The following STRBP variants were observed in gnomAD, a reference collection of about 807,000 sequenced individuals.
STRBP encodes spermatid perinuclear RNA binding protein, also known as spermatid perinuclear RNA-binding protein.
In STRBP, 13 loss-of-function variants were observed where a neutral mutation model predicts 80.1. That is an observed-to-expected ratio of 0.16 (90% confidence interval 0.11 to 0.26). The LOEUF (loss-of-function observed/expected upper bound fraction) is 0.26, where lower values mean the gene tolerates loss of function less well. Among genes scored for constraint, STRBP ranks in the 10% least tolerant of loss-of-function variants. STRBP has a pLI of 1.00. For synonymous variants in STRBP, 284 were observed against 291.2 expected, an observed-to-expected ratio of 0.98 and a Z score of 0.25; for missense variants, 485 against 815.2, an observed-to-expected ratio of 0.59 and a Z score of 4.93.
intron 3 of STRBP, chr9:123,111,390 C>A (rs1030614217): frequency 4.3e-5 from 13 of 301,690 alleles, no homozygotes; most frequent in African/African-American, 2.1e-4. Context: ...AAAACTCCTA[C>A]TCCTTGATCC....
downstream of STRBP, among the ~76,000 whole-genome samples, chr9:123,120,529 C>G (rs2035717460): frequency 6.7e-6 from 1 of 148,998 alleles, no homozygotes; most frequent in Admixed American, 6.7e-5. Context: ...CAGGGGGGAT[C>G]TCCTTAGTTC....
intron 1 of STRBP, among the ~76,000 whole-genome samples, chr9:123,257,977 A>T (rs966722528): frequency 1.3e-5 from 2 of 152,090 alleles, no homozygotes; most frequent in African/African-American, 4.8e-5. Context: ...TAAGGACTCA[A>T]GATGAATAAA....
chr9:123,200,481 T>C (rs2039275176), intron 2 of STRBP, among the ~76,000 whole-genome samples: 2 of 152,190 alleles, frequency 1.3e-5, no homozygotes, highest in South Asian at 4.2e-4. Context: ...ATAGTTTCAG[T>C]AGGATTGGTA....
At chr9:123,235,542 A>G (rs965400309) in intron 2 of STRBP, among the ~76,000 whole-genome samples, 1 of 146,950 alleles carries the variant, frequency 6.8e-6, no homozygotes, top group Non-Finnish European at 1.5e-5. Flanking sequence ...CCCAAAGACA[A>G]CTGAAAATCT....
intron 2 of STRBP, among the ~76,000 whole-genome samples, chr9:123,212,896 A>C (rs957986998): frequency 6.6e-6 from 1 of 152,354 alleles, no homozygotes; most frequent in African/African-American, 2.4e-5. Flanking sequence ...CATAAATTTT[A>C]AAACTCTCAC....
intron 8 of STRBP, among the ~76,000 whole-genome samples, 158 bp downstream of exon 8, chr9:123,160,209 C>T (rs1021753903): frequency 3.3e-5 from 5 of 152,142 alleles, no homozygotes; most frequent in Non-Finnish European, 4.4e-5. Flanking sequence ...AAGAAGAATT[C>T]GCTTAAAAAG....
At chr9:123,189,452 G>C (rs1467740693) in intron 2 of STRBP, among the ~76,000 whole-genome samples, 1 of 137,206 alleles carries the variant, frequency 7.3e-6, no homozygotes, top group Non-Finnish European at 1.6e-5. Context: ...CCTAAAACTT[G>C]AAGTATAATA....
rs190637354 is a variant in STRBP at position 123,239,330 on chromosome 9, G to A, written c.-301-2364C>T. On this transcript the variant is annotated intron_variant, in intron 1 of 18. Coordinates refer to ENST00000348403, the MANE Select transcript of STRBP (RefSeq NM_018387.5). ...GCAGAGCTTGCAGTGAGCCGAGATC[G>A]CGCCACTGCACTCTGGCCTGGGTGA... is the stretch of plus-strand genomic sequence containing the variant. Among the ~76,000 whole-genome samples the A allele has an allele frequency of 1.2e-4, 19 of 152,164 alleles. No homozygotes were observed. In the East Asian group the frequency reaches 3.3e-3, roughly 26 times the overall value.
rs187717926 is a variant in STRBP, at chr9:123,124,747, A to G, written c.*850T>C. On this transcript the variant is annotated 3_prime_UTR_variant, in exon 19 of 19. Coordinates refer to ENST00000348403, the MANE Select transcript of STRBP (RefSeq NM_018387.5). ...TAATTTATTATTTTTAAAAACTTGG[A>G]AATTCATAAACTAGGATAATCACAT... 4.2e-5 allele frequency: 41 copies of G among 985,450 alleles called. No homozygotes were observed. In the East Asian group the frequency reaches 3.6e-3, roughly 87 times the overall value. The allele number at this position is 985,450 out of a possible 1,614,324, so 61.0% of individuals were successfully genotyped here.
intron 8 of STRBP, 36 bp from the exon 9 acceptor site, chr9:123,159,243 C>A (rs758987009): frequency 2.1e-6 from 3 of 1,447,562 alleles, no homozygotes; most frequent in Non-Finnish European, 2.9e-6. Context: ...GTACATGCAC[C>A]AAGTGTTAAA....
At chr9:123,247,096 A>T (rs1327232656) in intron 1 of STRBP, among the ~76,000 whole-genome samples, 1 of 152,158 alleles carries the variant, frequency 6.6e-6, no homozygotes, top group Non-Finnish European at 1.5e-5. Flanking sequence ...AAAAATACCA[A>T]TCAATGAATT....
At chr9:123,189,988 C>T (rs1306178365) in intron 2 of STRBP, among the ~76,000 whole-genome samples, 6 of 151,996 alleles carry the variant, frequency 3.9e-5, no homozygotes. Flanking sequence ...CAACTCAGAA[C>T]ACACTAAGGG....
At chr9:123,223,091 A>G (rs1331928517) in intron 2 of STRBP, among the ~76,000 whole-genome samples, 1 of 151,168 alleles carries the variant, frequency 6.6e-6, no homozygotes. Flanking sequence ...AGATAGATAG[A>G]TAGATAAAAA....
In STRBP at chr9:123,123,359, G is replaced by T. The variant is rs1177205422; in HGVS notation, c.*2238C>A. 17 of 985,278 alleles carry T rather than the reference G, an allele frequency of 1.7e-5. No individual in the cohort carries two copies. Among genetic ancestry groups the T allele is most frequent in the Non-Finnish European group, 2.0e-5 (17 of 829,926 alleles). The allele number at this position is 985,278 out of a possible 1,614,324, so 61.0% of individuals were successfully genotyped here. A position where few individuals can be genotyped will look rare whatever the true frequency, so the allele number is the denominator to read the frequency against. ...AAATGGAAGGGTGGGAAGGGCAACA[G>T]GTGGGGGGACACTTAATTCATTACA... On this transcript the variant is annotated 3_prime_UTR_variant, in exon 19 of 19. Coordinates refer to ENST00000348403, the MANE Select transcript of STRBP (RefSeq NM_018387.5).
rs758454640 is a variant in STRBP at position 123,179,196 on chromosome 9, C to T, written c.35G>A (p.Arg12His). The part of the protein sequence containing the change: ...RSIRSFANDD[R>H]HVMVKHSTIY... ...TGTTGAATGTTTCACCATAACATGG[C>T]GATCATCATTAGCAAAAGATCGAAT... Residue 12 changes from arginine (R) to histidine (H), a missense_variant, in exon 4 of 19, where the codon CGC becomes CAC. Around this residue, in one of 3 missense-constraint regions of STRBP, gnomAD observed 377 missense variants for 616.1 expected, o/e 0.61. Transcript: ENST00000348403. 9 of 1,609,484 alleles carry T rather than the reference C, an allele frequency of 5.6e-6. No individual in the cohort carries two copies. Among genetic ancestry groups the T allele is most frequent in the Non-Finnish European group, 7.7e-6 (9 of 1,176,094 alleles).
At chr9:123,116,468 C>CA (rs553835362) in intron 2 of STRBP, among the ~76,000 whole-genome samples, 19 of 152,104 alleles carry the variant, frequency 1.2e-4, no homozygotes, top group South Asian at 1.2e-3. Flanking sequence ...GAAAACAAAA[C>CA]AAAAAAACAG....
rs762468877 is a variant in STRBP at position 123,179,092 on chromosome 9, C to A, written c.139G>T (p.Asp47Tyr). Residue 47 changes from aspartate (D) to tyrosine (Y), a missense_variant, in exon 4 of 19, where the codon GAT becomes TAT. Around this residue, in one of 3 missense-constraint regions of STRBP, gnomAD observed 377 missense variants for 616.1 expected, o/e 0.61. Transcript: ENST00000348403. ...CCTTTATTTGTTTCATCCAACCAAT[C>A]TGAGACATGTTTAAGAGCACATTCA... ...TVECALKHVS[D>Y]WLDETNKGTK... 1 of 1,614,126 alleles carries A rather than the reference C, an allele frequency of 6.2e-7. No individual in the cohort carries two copies. Among genetic ancestry groups the A allele is most frequent in the South Asian group, 1.1e-5 (1 of 91,070 alleles).
At chr9:123,244,061 T>C (rs1298017990) in intron 1 of STRBP, among the ~76,000 whole-genome samples, 1 of 152,234 alleles carries the variant, frequency 6.6e-6, no homozygotes, top group Non-Finnish European at 1.5e-5. Context: ...AATTGTGATA[T>C]AATCACAGTT....
chr9:123,265,069 A>C (rs887061943), intron 1 of STRBP, among the ~76,000 whole-genome samples: 5 of 152,174 alleles, frequency 3.3e-5, no homozygotes, highest in Non-Finnish European at 7.4e-5. Flanking sequence ...TTTCAATCGA[A>C]GGGACATTAT....
Sources: allele counts gnomAD v4.1 joint callset (sites outside exome capture counted in the v4.1 genomes callset), GRCh38; gene constraint gnomAD v4.1.1; regional missense constraint gnomAD v4.1.1; transcripts MANE v1.5; gene names NCBI Gene and HGNC (gene_info 2026-07-23, HGNC 2026-07-21).